WDR27: variants seen among roughly 807,000 people sequenced by gnomAD.
The protein encoded by WDR27 is WD repeat domain 27.
Under a neutral mutation model 114.4 loss-of-function variants are expected in WDR27, and 100 were observed. The ratio of observed to expected loss-of-function variants is 0.87; its 90% CI spans 0.74 to 1.03. The LOEUF (loss-of-function observed/expected upper bound fraction) is 1.03, where lower values mean the gene tolerates loss of function less well. WDR27 is among the 50% of genes least tolerant of loss of function. The pLI, the probability that WDR27 is intolerant of heterozygous loss-of-function variation, is 0.00. For synonymous variants in WDR27, 449 were observed against 423.1 expected, an observed-to-expected ratio of 1.06 and a Z score of -0.75; for missense variants, 1,129 against 1,092.9, an observed-to-expected ratio of 1.03 and a Z score of -0.47.
At chr6:169,633,334 G>C (rs80308234) in intron 20 of WDR27, among the ~76,000 whole-genome samples, 1 of 152,158 alleles carries the variant, frequency 6.6e-6, no homozygotes, top group African/African-American at 2.4e-5. Context: ...CTATTTTGAG[G>C]TGTGAGTTCC....
chr6:169,690,250 T>TTA (rs1323863595), intron 1 of WDR27, among the ~76,000 whole-genome samples: 10 of 152,246 alleles, frequency 6.6e-5, no homozygotes, highest in Non-Finnish European at 1.3e-4. Flanking sequence ...GATACACCCA[T>TTA]GCAGCCATCA....
intron 19 of WDR27, among the ~76,000 whole-genome samples, chr6:169,635,796 T>C (rs1817539901): frequency 1.3e-5 from 2 of 151,974 alleles, no homozygotes; most frequent in Non-Finnish European, 2.9e-5. Flanking sequence ...CTCAAAAAAA[T>C]AAAATGACAT....
intron 19 of WDR27, among the ~76,000 whole-genome samples, chr6:169,635,818 G>C (rs573232954): frequency 1.3e-5 from 2 of 152,250 alleles, no homozygotes; most frequent in South Asian, 4.1e-4. Context: ...AATACACAGA[G>C]ATACAGCAAA....
At chr6:169,624,390 G>A (rs1419095484) in intron 21 of WDR27, among the ~76,000 whole-genome samples, 2 of 152,194 alleles carry the variant, frequency 1.3e-5, no homozygotes, top group African/African-American at 4.8e-5. Context: ...TGCAAAAGGA[G>A]ATTCGAAGCT....
chr6:169,664,318 C>G, intron 7 of WDR27, 32 bp from the exon 8 acceptor site: 1 of 1,613,254 alleles, frequency 6.2e-7, no homozygotes, highest in South Asian at 1.1e-5. Context: ...AGACATGGCG[C>G]TGCAGCAAGG....
At chr6:169,496,018 C>T (rs1380802291) in intron 25 of WDR27, among the ~76,000 whole-genome samples, 1 of 151,934 alleles carries the variant, frequency 6.6e-6, no homozygotes. Context: ...AAATTCTCAA[C>T]AAAATACTAG....
intron 25 of WDR27, among the ~76,000 whole-genome samples, chr6:169,534,226 C>T (rs552098754): frequency 7.2e-5 from 11 of 152,292 alleles, no homozygotes; most frequent in African/African-American, 1.9e-4. Context: ...CCTTGCATTC[C>T]GGGGACGAAT....
intron 2 of WDR27, among the ~76,000 whole-genome samples, chr6:169,682,518 C>T (rs552924883): frequency 6.6e-6 from 1 of 152,234 alleles, no homozygotes; most frequent in East Asian, 1.9e-4. Context: ...TCCTCTAATG[C>T]TGAGATGGCT....
chr6:169,634,502 T>C lies in WDR27; in HGVS notation c.2027A>G (p.Lys676Arg). ...IKRYKQKSKS[K>R]LICRLSTTGA... is the part of the protein sequence containing the mutation. Reference sequence around the variant, plus strand: ...CGTCGTGGAGAGCCTGCAAATCAGCTTGGACTTGCTCTTCTGTTTATATCT... The same window carrying C: ...CGTCGTGGAGAGCCTGCAAATCAGCCTGGACTTGCTCTTCTGTTTATATCT... Residue 676 changes from lysine to arginine, a missense_variant, in exon 20 of 26, where the codon AAG (lysine) becomes AGG (arginine). Lys to Arg is a conservative substitution (Grantham distance 26). Coordinates refer to ENST00000448612, the MANE Select transcript of WDR27 (RefSeq NM_182552.5). 3 of 1,612,308 alleles carry C rather than the reference T, an allele frequency of 1.9e-6. No homozygotes were observed. In the Admixed American group the frequency reaches 5.0e-5, roughly 27 times the overall value.
At chr6:169,448,871 G>T in the WDR27 span, among the ~76,000 whole-genome samples, 1 of 152,134 alleles carries the variant, frequency 6.6e-6, no homozygotes, top group African/African-American at 2.4e-5. Flanking sequence ...AGCAGAGCCC[G>T]GCCCACCCTT....
intron 25 of WDR27, among the ~76,000 whole-genome samples, chr6:169,525,428 C>T (rs892145070): frequency 1.3e-5 from 2 of 148,798 alleles, no homozygotes; most frequent in East Asian, 2.0e-4. Context: ...CCCAGCTACT[C>T]GGGAGGCTGA....
intron 25 of WDR27, among the ~76,000 whole-genome samples, chr6:169,469,424 G>A (rs1786045678): frequency 6.6e-6 from 1 of 152,190 alleles, no homozygotes; most frequent in Non-Finnish European, 1.5e-5. Context: ...TTAATTTTAA[G>A]GTTTGAGAAA....
chr6:169,586,581 G>A (rs767532706), intron 23 of WDR27, among the ~76,000 whole-genome samples: 9 of 152,106 alleles, frequency 5.9e-5, no homozygotes, highest in Middle Eastern at 3.4e-3. Context: ...AGTCATGGCC[G>A]GGCACGGTGG....
At chr6:169,602,155 A>T in intron 23 of WDR27, 64 bp downstream of exon 23, 2 of 1,236,742 alleles carry the variant, frequency 1.6e-6, no homozygotes, top group Non-Finnish European at 2.2e-6. Flanking sequence ...CAACAATATT[A>T]AACAGTCTAC....
chr6:169,452,972 C>G, downstream of WDR27, among the ~76,000 whole-genome samples: 1 of 152,188 alleles, frequency 6.6e-6, no homozygotes, highest in Non-Finnish European at 1.5e-5. Flanking sequence ...TCAGCTTCCC[C>G]GGCCTCCCTC....
Position 169,457,517 on chromosome 6 carries a change from G to T in WDR27, c.*75C>A. On this transcript the variant is annotated 3_prime_UTR_variant, in exon 26 of 26. Transcript: ENST00000448612. ...TGCTGCTTCTGGCCCCCTGATGGATGAACCACTACTTCTTACTTTTAAGTT... is the reference window on the plus strand; with the variant it reads ...TGCTGCTTCTGGCCCCCTGATGGATTAACCACTACTTCTTACTTTTAAGTT... 2 of 1,321,794 alleles carry T rather than the reference G, an allele frequency of 1.5e-6. No homozygotes were observed. The highest frequency in any genetic ancestry group is 1.4e-5 in the South Asian group (1 of 70,570). The allele number at this position is 1,321,794 out of a possible 1,614,324, so 81.9% of individuals were successfully genotyped here. A position where few individuals can be genotyped will look rare whatever the true frequency, so the allele number is the denominator to read the frequency against.
intron 22 of WDR27, among the ~76,000 whole-genome samples, chr6:169,612,843 G>T (rs1810906119): frequency 1.3e-5 from 2 of 152,076 alleles, no homozygotes; most frequent in African/African-American, 4.8e-5. Flanking sequence ...TCAGTCACTG[G>T]TTAAGACATC....
At chr6:169,590,579 C>T (rs951560850) in intron 23 of WDR27, among the ~76,000 whole-genome samples, 4 of 152,370 alleles carry the variant, frequency 2.6e-5, no homozygotes, top group East Asian at 3.9e-4. Context: ...CCTGGCCGCC[C>T]GCCACACCAG....
chr6:169,502,223 C>T (rs926360857), intron 25 of WDR27, among the ~76,000 whole-genome samples: 3 of 152,182 alleles, frequency 2.0e-5, no homozygotes, highest in South Asian at 2.1e-4. Flanking sequence ...GCGGGACGAC[C>T]GCGGCCTCTG....
Sources: allele counts gnomAD v4.1 joint callset (sites outside exome capture counted in the v4.1 genomes callset), GRCh38; gene constraint gnomAD v4.1.1; transcripts MANE v1.5; gene names NCBI Gene and HGNC (gene_info 2026-07-23, HGNC 2026-07-21).